Variants in MAP4 observed in about 807,000 individuals in gnomAD.
MAP4 encodes the protein microtubule-associated protein 4.
In MAP4, 76 loss-of-function variants were observed where a neutral mutation model predicts 170.2. The ratio of observed to expected loss-of-function variants is 0.45; its 90% CI spans 0.37 to 0.54. The LOEUF is 0.54. MAP4 is among the 20% of genes least tolerant of loss of function. MAP4 has a pLI of 0.00. For missense variants in MAP4, 2,506 were observed against 2,748.0 expected, an observed-to-expected ratio of 0.91 and a Z score of 1.97; for synonymous variants, 909 against 994.5, an observed-to-expected ratio of 0.91 and a Z score of 1.62.
intron 2 of MAP4, among the ~76,000 whole-genome samples, chr3:47,979,141 T>G (rs1578683621): frequency 1.3e-5 from 2 of 152,082 alleles, no homozygotes; most frequent in African/African-American, 4.8e-5. Flanking sequence ...CTACGGTACA[T>G]TTTGAGTTAA....
chr3:47,891,865 G>A (rs1355500930), intron 10 of MAP4: 4 of 1,536,054 alleles, frequency 2.6e-6, no homozygotes, highest in South Asian at 1.2e-5. Context: ...CAGGGGTGAT[G>A]CTATTCTCCA....
At chr3:47,877,860 A>G (rs2095839602) in intron 10 of MAP4, 1 of 163,972 alleles carries the variant, frequency 6.1e-6, no homozygotes. Flanking sequence ...TCTCCAAGCA[A>G]TAGGACAAAA....
chr3:48,033,003 T>C (rs1241574115), intron 1 of MAP4, among the ~76,000 whole-genome samples: 1 of 152,236 alleles, frequency 6.6e-6, no homozygotes, highest in East Asian at 1.9e-4. Flanking sequence ...TGTGCACATC[T>C]AATATTTCCA....
chr3:48,084,744 T>C (rs1462311959), intron 1 of MAP4, among the ~76,000 whole-genome samples: 1 of 151,778 alleles, frequency 6.6e-6, no homozygotes, highest in African/African-American at 2.4e-5. Context: ...CCTAGCTAAG[T>C]TTGTTGTTGT....
chr3:47,994,588 C>G (rs1243177608), intron 2 of MAP4, among the ~76,000 whole-genome samples: 2 of 152,178 alleles, frequency 1.3e-5, no homozygotes, highest in African/African-American at 4.8e-5. Flanking sequence ...ATCCATGTAA[C>G]ATTAACTTGG....
intron 1 of MAP4, among the ~76,000 whole-genome samples, chr3:48,071,387 T>A (rs1327853694): frequency 6.6e-6 from 1 of 150,436 alleles, no homozygotes. Context: ...ACAAAAAAAA[T>A]ACCAAAAAAA....
At chr3:48,068,304 A>G (rs1330831485) in intron 1 of MAP4, among the ~76,000 whole-genome samples, 2 of 151,938 alleles carry the variant, frequency 1.3e-5, no homozygotes, top group African/African-American at 4.8e-5. Context: ...AGTAATAAAC[A>G]TCCAGCTCTA....
chr3:47,853,013 C>T (rs377686167), intron 20 of MAP4, 75 bp from the exon 21 acceptor site: 45 of 1,614,054 alleles, frequency 2.8e-5, no homozygotes, highest in Non-Finnish European at 3.2e-5. Flanking sequence ...AGACGGAAGA[C>T]GAGACCAGAA....
chr3:48,002,404 A>C (rs1219502293), intron 1 of MAP4, among the ~76,000 whole-genome samples: 1 of 151,132 alleles, frequency 6.6e-6, no homozygotes, highest in African/African-American at 2.4e-5. Context: ...TACAAAAACT[A>C]AAAAAAAATT....
intron 10 of MAP4, among the ~76,000 whole-genome samples, chr3:47,896,882 A>G (rs1264304998): frequency 6.6e-6 from 1 of 152,184 alleles, no homozygotes; most frequent in Non-Finnish European, 1.5e-5. Flanking sequence ...ATATCCATCA[A>G]CAGTACTGCA....
rs185272165 is a variant in MAP4, at chr3:48,066,968, G to A, written c.-20+21805C>T. Among the ~76,000 whole-genome samples the A allele has an allele frequency of 1.4e-4, 21 of 151,090 alleles. No individual in the cohort carries two copies. In the East Asian group the frequency reaches 3.5e-3, roughly 25 times the overall value. ...CCATTCTCCTGCCTCAGCCTCCTGA[G>A]CAGCTGGGACCACAAGCGCCCATCA... On this transcript the variant is annotated intron_variant, in intron 1 of 18. Coordinates refer to the MAP4 transcript ENST00000360240.
chr3:47,930,677 C>A (rs2100049212), intron 3 of MAP4, among the ~76,000 whole-genome samples: 1 of 151,904 alleles, frequency 6.6e-6, no homozygotes, highest in Non-Finnish European at 1.5e-5. Context: ...GCCTGTAATC[C>A]CAGCACTTTG....
intron 1 of MAP4, among the ~76,000 whole-genome samples, chr3:48,062,817 G>A (rs540959339): frequency 1.1e-3 from 159 of 151,354 alleles, no homozygotes; most frequent in Middle Eastern, 6.8e-3. Context: ...CCAGCTACTC[G>A]GGAGGCTGAG....
intron 1 of MAP4, among the ~76,000 whole-genome samples, chr3:48,022,053 G>T (rs2100110826): frequency 6.6e-6 from 1 of 152,158 alleles, no homozygotes; most frequent in Admixed American, 6.5e-5. Context: ...ACATGCATAT[G>T]GATACTTAAT....
intron 3 of MAP4, 70 bp from the exon 4 acceptor site, chr3:47,928,420 T>G: frequency 7.0e-7 from 1 of 1,431,624 alleles, no homozygotes; most frequent in East Asian, 2.3e-5. Flanking sequence ...GTGGAATTTC[T>G]ACAAAGTATT....
intron 9 of MAP4, among the ~76,000 whole-genome samples, chr3:47,905,975 C>T (rs1312303936): frequency 6.6e-6 from 1 of 150,722 alleles, no homozygotes; most frequent in African/African-American, 2.4e-5. Context: ...GCCTGGGCAA[C>T]AAGAGTGAAA....
intron 3 of MAP4, among the ~76,000 whole-genome samples, chr3:47,935,829 C>T (rs572015279): frequency 6.6e-6 from 1 of 150,898 alleles, no homozygotes; most frequent in Non-Finnish European, 1.5e-5. Flanking sequence ...GTCCCAGCTA[C>T]TCAGGAGGCT....
intron 17 of MAP4, 54 bp from the exon 18 acceptor site, chr3:47,857,566 C>T: frequency 8.5e-7 from 1 of 1,176,010 alleles, no homozygotes; most frequent in Non-Finnish European, 1.3e-6. Flanking sequence ...CTGTCAGAGC[C>T]AACCCCATGC....
At chr3:48,073,863 G>T (rs555346463) in intron 1 of MAP4, among the ~76,000 whole-genome samples, 1 of 152,308 alleles carries the variant, frequency 6.6e-6, no homozygotes, top group South Asian at 2.1e-4. Flanking sequence ...TGGTGGGACT[G>T]TAAAACTAGT....
Sources: gnomAD v4.1 joint callset for allele counts (sites outside exome capture counted in the v4.1 genomes callset) on GRCh38, gnomAD v4.1.1 for gene constraint, MANE v1.5 for transcripts, NCBI Gene and HGNC (gene_info 2026-07-23, HGNC 2026-07-21) for gene names.